The following PRKN variants were observed in gnomAD, a reference collection of about 807,000 sequenced individuals.
The protein encoded by PRKN is parkin RBR E3 ubiquitin protein ligase, also known as E3 ubiquitin-protein ligase parkin.
In PRKN, 56 loss-of-function variants were observed where a neutral mutation model predicts 59.5. The observed-to-expected ratio is 0.94, with a 90% CI of 0.76 to 1.18. The LOEUF (loss-of-function observed/expected upper bound fraction) is 1.18. PRKN is among the 50% of genes most tolerant of loss of function. The pLI, the probability that PRKN is intolerant of heterozygous loss-of-function variation, is 0.00. For synonymous variants in PRKN, 250 were observed against 222.1 expected (o/e 1.13, Z -1.12); for missense variants, 657 against 596.4 (o/e 1.10, Z -1.06).
At chr6:162,066,750 C>A (rs1035677931) in intron 4 of PRKN, among the ~76,000 whole-genome samples, 2 of 152,070 alleles carry the variant, frequency 1.3e-5, no homozygotes, top group African/African-American at 2.4e-5. Context: ...TTACTCAGAC[C>A]CAGGAATTCT....
intron 7 of PRKN, among the ~76,000 whole-genome samples, chr6:161,770,902 G>A (rs545335059): frequency 2.0e-5 from 3 of 152,242 alleles, no homozygotes; most frequent in African/African-American, 7.2e-5. Flanking sequence ...GACACAGGCA[G>A]GACGATATCT....
rs777729617 is a variant in PRKN, at chr6:162,727,736, T to G, written c.-68A>C. The G allele has an allele frequency of 4.6e-6, 7 of 1,507,278 alleles. No homozygotes were observed. The highest frequency in any genetic ancestry group is 4.2e-5 in the African/African-American group (3 of 71,958). The allele number at this position is 1,507,278 out of a possible 1,614,324, so 93.4% of individuals were successfully genotyped here. On this transcript the variant is annotated 5_prime_UTR_variant, in exon 1 of 12. Transcript: ENST00000366898. ...TGCGCGCAGCGGCGCCAGCCGCGCC[T>G]CCCACCAGCGGCTCTCCTGGGTTAA...
At chr6:162,148,199 T>C (rs1272546119) in intron 4 of PRKN, among the ~76,000 whole-genome samples, 1 of 152,216 alleles carries the variant, frequency 6.6e-6, no homozygotes, top group African/African-American at 2.4e-5. Flanking sequence ...GAGAATGTGC[T>C]GATGAGTAAA....
chr6:162,441,884 A>G (rs1385527058), intron 2 of PRKN, among the ~76,000 whole-genome samples: 4 of 152,212 alleles, frequency 2.6e-5, no homozygotes, highest in Non-Finnish European at 5.9e-5. Flanking sequence ...TAGAACCTGA[A>G]GGTTTTGGCA....
At position 161,487,884 on chromosome 6, in the gene PRKN, T is replaced by C. The variant is rs374099863; in HGVS notation, c.1083+60970A>G. 6.0e-4 allele frequency among the ~76,000 whole-genome samples: 90 copies of C among 150,846 alleles called. 1 individual carries two copies. In the East Asian group the frequency reaches 0.017, roughly 29 times the overall value. ...GCCTCCCTCCCTTCCCACCTCCCCC[T>C]ACCTTCCTTCCTCTTTTTCTTCCCT... On this transcript the variant is annotated intron_variant, in intron 9 of 11. Transcript: ENST00000366898. This position sits in a 1 kb window ranked among gnomAD's most constrained non-coding sequence, Gnocchi z 5.3.
At chr6:162,448,248 T>A (rs760302219) in intron 1 of PRKN, among the ~76,000 whole-genome samples, 13 of 152,020 alleles carry the variant, frequency 8.6e-5, no homozygotes, top group Non-Finnish European at 1.8e-4. Flanking sequence ...GCCTGGGAAG[T>A]TTCTTCTGCA....
chr6:162,619,692 T>C (rs1177549377), intron 1 of PRKN, among the ~76,000 whole-genome samples: 1 of 119,988 alleles, frequency 8.3e-6, no homozygotes, highest in African/African-American at 3.1e-5. Flanking sequence ...TTGGTATCTA[T>C]CCTTTCACTT....
rs375722454 is a variant in PRKN, at chr6:161,552,327, C to T, written c.934-3324G>A. Among the ~76,000 whole-genome samples, 1 of 147,562 alleles carries T rather than the reference C, an allele frequency of 6.8e-6. No individual in the cohort carries two copies. The highest frequency in any genetic ancestry group is 1.5e-5 in the Non-Finnish European group (1 of 67,256). ...CCTCTCCCTCAGCTCTGTTCACCTC[C>T]GCCTATGACTGTGAATGATCTCACG... is the stretch of plus-strand genomic sequence containing the variant. On this transcript the variant is annotated intron_variant, in intron 8 of 11. Coordinates refer to ENST00000366898, the MANE Select transcript of PRKN (RefSeq NM_004562.3). The surrounding 1 kb of genome is among the most constrained non-coding windows in gnomAD (Gnocchi z 4.9).
At chr6:162,394,387 T>C (rs902373542) in intron 2 of PRKN, among the ~76,000 whole-genome samples, 6 of 152,202 alleles carry the variant, frequency 3.9e-5, no homozygotes, top group African/African-American at 1.4e-4. Flanking sequence ...GTAATCCTTA[T>C]CATGGCGTTC....
intron 7 of PRKN, among the ~76,000 whole-genome samples, chr6:161,645,641 T>A (rs1417442022): frequency 6.6e-6 from 1 of 152,258 alleles, no homozygotes; most frequent in Non-Finnish European, 1.5e-5. Flanking sequence ...TAGATGGATG[T>A]TAATGTCCTA....
intron 3 of PRKN, among the ~76,000 whole-genome samples, chr6:162,238,630 T>C (rs1778847373): frequency 1.3e-5 from 2 of 152,210 alleles, no homozygotes; most frequent in African/African-American, 4.8e-5. Flanking sequence ...GCCAGATGAC[T>C]GGGCCAGGAC....
intron 3 of PRKN, among the ~76,000 whole-genome samples, chr6:162,210,427 A>G (rs1456526946): frequency 1.3e-5 from 2 of 152,118 alleles, no homozygotes; most frequent in Non-Finnish European, 2.9e-5. Flanking sequence ...AGCTCCTCCC[A>G]CGGATTCTTC....
At chr6:162,662,063 A>G (rs1279477761) in intron 1 of PRKN, among the ~76,000 whole-genome samples, 1 of 151,768 alleles carries the variant, frequency 6.6e-6, no homozygotes, top group Non-Finnish European at 1.5e-5. Context: ...GCTTATATAT[A>G]TCTGCAATAA....
At chr6:162,615,967 G>A (rs1490866719) in intron 1 of PRKN, among the ~76,000 whole-genome samples, 1 of 152,148 alleles carries the variant, frequency 6.6e-6, no homozygotes, top group Non-Finnish European at 1.5e-5. Flanking sequence ...CCAAGAAGAT[G>A]CTCTCATAAA....
At chr6:161,967,671 G>C (rs192810645) in intron 6 of PRKN, among the ~76,000 whole-genome samples, 5 of 152,296 alleles carry the variant, frequency 3.3e-5, no homozygotes, top group Admixed American at 6.5e-5. Context: ...GAGGCAGAAG[G>C]CTCCGTCATC....
intron 1 of PRKN, chr6:162,695,127 AGAAT>A (rs1777922147): frequency 6.6e-6 from 1 of 152,208 alleles, no homozygotes. Flanking sequence ...TGAGGCAATA[AGAAT>A]AAAGTAAATC....
chr6:162,044,077 C>T (rs537397749), intron 5 of PRKN, among the ~76,000 whole-genome samples: 3 of 152,298 alleles, frequency 2.0e-5, no homozygotes, highest in Admixed American at 6.5e-5. Flanking sequence ...CCTTTATTCA[C>T]ACTTTGCCAG....
intron 1 of PRKN, among the ~76,000 whole-genome samples, chr6:162,513,792 G>A (rs1170602107): frequency 1.3e-5 from 2 of 152,170 alleles, no homozygotes; most frequent in African/African-American, 4.8e-5. Flanking sequence ...AGTGGCTCAT[G>A]CCTGTAATCC....
intron 6 of PRKN, among the ~76,000 whole-genome samples, chr6:161,887,568 T>C (rs969527345): frequency 1.1e-4 from 17 of 152,210 alleles, no homozygotes; most frequent in Admixed American, 2.0e-4. Context: ...TCATGTATGA[T>C]TGTATAAGAG....
Sources: allele counts gnomAD v4.1 joint callset (sites outside exome capture counted in the v4.1 genomes callset), GRCh38; gene constraint gnomAD v4.1.1; non-coding constraint Gnocchi (gnomAD v3.1); transcripts MANE v1.5; gene names NCBI Gene and HGNC (gene_info 2026-07-23, HGNC 2026-07-21).